The following ADARB2 variants were observed in gnomAD, a reference collection of about 807,000 sequenced individuals.
The protein encoded by ADARB2 is inactive double-stranded RNA-specific editase B2.
In ADARB2, 25 loss-of-function variants were observed where a neutral mutation model predicts 62.2. The ratio of observed to expected loss-of-function variants is 0.40; its 90% CI spans 0.29 to 0.56. The LOEUF is 0.56. ADARB2 is among the 20% of genes least tolerant of loss of function. The probability of loss-of-function intolerance (pLI) is 0.43; values close to 1 mark genes in which losing one functional copy is unlikely to be tolerated. For missense variants in ADARB2, 1,071 were observed against 1,077.4 expected (o/e 0.99, Z 0.08); for synonymous variants, 572 against 500.8 (o/e 1.14, Z -1.90).
chr10:1,197,818 G>T (rs1836930998), intron 8 of ADARB2, among the ~76,000 whole-genome samples: 1 of 152,166 alleles, frequency 6.6e-6, no homozygotes, highest in Non-Finnish European at 1.5e-5. Context: ...TTGATGAAGA[G>T]AAATAAAAAT....
In ADARB2 at chr10:1,404,493, C is replaced by G. The variant is rs377035739; in HGVS notation, c.101-25333G>C. On this transcript the variant is annotated intron_variant, in intron 1 of 9. Coordinates refer to ENST00000381312, the MANE Select transcript of ADARB2 (RefSeq NM_018702.4). ...ATGAGTGCGCAAGAACCAGCGTGGG[C>G]TCCACTCCTCCCGCCTGTGCCCTGA... Among the ~76,000 whole-genome samples, 13 of 152,348 alleles carry G rather than the reference C, an allele frequency of 8.5e-5. 2 individuals carry two copies. The highest frequency in any genetic ancestry group is 3.1e-4 in the African/African-American group (13 of 41,580).
At chr10:1,585,176 G>A (rs1833157465) in intron 1 of ADARB2, among the ~76,000 whole-genome samples, 1 of 152,028 alleles carries the variant, frequency 6.6e-6, no homozygotes, top group African/African-American at 2.4e-5. Flanking sequence ...CCCTTTGATG[G>A]GCAGTGCGGA....
At chr10:1,676,775 A>G (rs1226321499) in intron 1 of ADARB2, among the ~76,000 whole-genome samples, 1 of 55,766 alleles carries the variant, frequency 1.8e-5, no homozygotes, top group Admixed American at 2.5e-4. Flanking sequence ...CACTCGTATT[A>G]TTCATTTTAA....
chr10:1,524,627 TC>T (rs1404978582), intron 1 of ADARB2, among the ~76,000 whole-genome samples: 4 of 152,210 alleles, frequency 2.6e-5, no homozygotes, highest in Non-Finnish European at 4.4e-5. Flanking sequence ...GGAATCTATT[TC>T]TGAGTGTTTG....
chr10:1,373,373 C>T (rs1027993560), intron 2 of ADARB2, among the ~76,000 whole-genome samples: 14 of 152,126 alleles, frequency 9.2e-5, no homozygotes, highest in African/African-American at 3.4e-4. Context: ...AAAGGCTCCT[C>T]AGAGTCACTC....
chr10:1,594,844 C>T (rs1054498668), intron 1 of ADARB2, among the ~76,000 whole-genome samples: 3 of 152,194 alleles, frequency 2.0e-5, no homozygotes, highest in Admixed American at 2.0e-4. Flanking sequence ...CCTCCCACCA[C>T]TTCGTTGTAT....
intron 1 of ADARB2, among the ~76,000 whole-genome samples, chr10:1,643,317 A>G (rs1834000255): frequency 6.6e-6 from 1 of 152,216 alleles, no homozygotes; most frequent in African/African-American, 2.4e-5. Context: ...CTCTGCACCT[A>G]TAAACTTAGC....
intron 1 of ADARB2, among the ~76,000 whole-genome samples, chr10:1,615,757 C>T (rs1389147810): frequency 2.0e-5 from 3 of 152,248 alleles, no homozygotes; most frequent in Non-Finnish European, 2.9e-5. Context: ...AGGACACTTT[C>T]ACCTCTCCAG....
At chr10:1,451,025 C>T (rs112617028) in intron 1 of ADARB2, among the ~76,000 whole-genome samples, 49 of 152,262 alleles carry the variant, frequency 3.2e-4, no homozygotes, top group Middle Eastern at 3.4e-3. Context: ...TGTGTGCAAG[C>T]CAGAAACACA....
intron 1 of ADARB2, among the ~76,000 whole-genome samples, chr10:1,509,057 G>A (rs1831887030): frequency 6.6e-6 from 1 of 152,166 alleles, no homozygotes; most frequent in Non-Finnish European, 1.5e-5. Context: ...TGTAGCATCC[G>A]GGAGGAGCCG....
chr10:1,220,030 G>GA (rs1830671858), intron 6 of ADARB2, among the ~76,000 whole-genome samples: 1 of 142,392 alleles, frequency 7.0e-6, no homozygotes, highest in Non-Finnish European at 1.5e-5. Context: ...GATGATGGTG[G>GA]TGATGATGGT....
At chr10:1,200,397 G>A (rs891191257) in intron 7 of ADARB2, 6 of 547,268 alleles carry the variant, frequency 1.1e-5, no homozygotes, top group Non-Finnish European at 2.0e-5. Flanking sequence ...AAAATGAGTC[G>A]TTAGAGTGGA....
chr10:1,716,743 C>G (rs1273967132), intron 1 of ADARB2, among the ~76,000 whole-genome samples: 1 of 152,166 alleles, frequency 6.6e-6, no homozygotes, highest in Non-Finnish European at 1.5e-5. Context: ...CTCCATTACA[C>G]AGTTGAAGTG....
intron 1 of ADARB2, among the ~76,000 whole-genome samples, chr10:1,601,722 C>T (rs748472695): frequency 1.3e-5 from 2 of 152,192 alleles, no homozygotes; most frequent in East Asian, 1.9e-4. Flanking sequence ...CCTGCTCCCC[C>T]GAAAGCCAGC....
At chr10:1,265,627 C>T (rs1490914166) in intron 4 of ADARB2, among the ~76,000 whole-genome samples, 2 of 114,024 alleles carry the variant, frequency 1.8e-5, no homozygotes, top group Admixed American at 1.6e-4. Context: ...CCCAGGCTCT[C>T]CCGGAAGACG....
At chr10:1,603,189 T>C (rs1325458711) in intron 1 of ADARB2, among the ~76,000 whole-genome samples, 1 of 148,632 alleles carries the variant, frequency 6.7e-6, no homozygotes, top group South Asian at 2.2e-4. Flanking sequence ...GTACACACAT[T>C]CACACATGTG....
chr10:1,291,218 G>A (rs898019439), intron 3 of ADARB2: 7 of 152,360 alleles, frequency 4.6e-5, no homozygotes, highest in African/African-American at 1.7e-4. Flanking sequence ...CAGGGAGGCT[G>A]ATGTTACACA....
chr10:1,667,508 A>G (rs1834329183), intron 1 of ADARB2, among the ~76,000 whole-genome samples: 1 of 152,262 alleles, frequency 6.6e-6, no homozygotes, highest in African/African-American at 2.4e-5. Context: ...ATCCATTTAC[A>G]AACAGCAGTT....
intron 1 of ADARB2, among the ~76,000 whole-genome samples, chr10:1,395,535 C>G (rs1832604298): frequency 6.6e-6 from 1 of 152,212 alleles, no homozygotes; most frequent in Non-Finnish European, 1.5e-5. Flanking sequence ...TGATGGGCCG[C>G]CAGGCACTTC....
Sources: gnomAD v4.1 joint callset for allele counts (sites outside exome capture counted in the v4.1 genomes callset) on GRCh38, gnomAD v4.1.1 for gene constraint, MANE v1.5 for transcripts, NCBI Gene and HGNC (gene_info 2026-07-23, HGNC 2026-07-21) for gene names.